The following ANO4 variants were observed in gnomAD, a reference collection of about 807,000 sequenced individuals.
The protein encoded by ANO4 is anoctamin 4, also known as anoctamin-4.
A neutral mutation model predicts 141.9 loss-of-function variants in ANO4; 69 were observed. The ratio of observed to expected loss-of-function variants is 0.49; its 90% CI spans 0.40 to 0.59. The LOEUF (loss-of-function observed/expected upper bound fraction) is 0.59, where lower values mean the gene tolerates loss of function less well. ANO4 is among the 20% of genes least tolerant of loss of function. The pLI, the probability that ANO4 is intolerant of heterozygous loss-of-function variation, is 0.00. For synonymous variants in ANO4, 350 were observed against 394.3 expected (o/e 0.89, Z 1.33); for missense variants, 894 against 1,162.2 (o/e 0.77, Z 3.36).
chr12:100,975,748 T>A (rs2136288326), intron 7 of ANO4, among the ~76,000 whole-genome samples: 1 of 152,130 alleles, frequency 6.6e-6, no homozygotes, highest in Admixed American at 6.5e-5. Flanking sequence ...CCAATGTTAT[T>A]TTTTTCTACA....
chr12:101,022,546 CAAACTT>C (rs2136504766), intron 9 of ANO4, among the ~76,000 whole-genome samples: 1 of 152,266 alleles, frequency 6.6e-6, no homozygotes, highest in African/African-American at 2.4e-5. Context: ...TTTTTAGAAA[CAAACTT>C]AGGATGTGCT....
At chr12:100,746,394 A>G (rs2032110047) in intron 3 of ANO4, among the ~76,000 whole-genome samples, 1 of 151,134 alleles carries the variant, frequency 6.6e-6, no homozygotes, top group Non-Finnish European at 1.5e-5. Context: ...CGGAGGCTGC[A>G]GTGAGCTGAG....
At chr12:100,811,235 C>G (rs1055037083) in intron 1 of ANO4, among the ~76,000 whole-genome samples, 1 of 152,096 alleles carries the variant, frequency 6.6e-6, no homozygotes, top group Non-Finnish European at 1.5e-5. Flanking sequence ...TAAATTACCT[C>G]ACATATCCAA....
intron 7 of ANO4, among the ~76,000 whole-genome samples, chr12:100,979,304 C>T (rs1229060382): frequency 1.3e-5 from 2 of 152,056 alleles, no homozygotes; most frequent in African/African-American, 2.4e-5. Context: ...GTGTCAGGAT[C>T]ATCTGGAGGG....
chr12:100,906,180 A>C (rs2040836177), intron 2 of ANO4, among the ~76,000 whole-genome samples: 1 of 152,178 alleles, frequency 6.6e-6, no homozygotes. Flanking sequence ...TTTGAACAGC[A>C]GTGTGGTTTT....
intron 2 of ANO4, chr12:100,739,819 T>C (rs1223388733): frequency 1.4e-6 from 1 of 698,778 alleles, no homozygotes; most frequent in Non-Finnish European, 2.6e-6. Context: ...ATGGCTTTGA[T>C]TGCTGCCACT....
chr12:100,900,690 C>T (rs894353591), intron 1 of ANO4, among the ~76,000 whole-genome samples: 4 of 152,158 alleles, frequency 2.6e-5, no homozygotes, highest in Non-Finnish European at 5.9e-5. Flanking sequence ...AACCATCATT[C>T]TCAGCAAACT....
At chr12:101,065,717 T>C (rs1055532116) in intron 14 of ANO4, among the ~76,000 whole-genome samples, 3 of 152,144 alleles carry the variant, frequency 2.0e-5, no homozygotes, top group African/African-American at 7.2e-5. Context: ...ACTTGAACTG[T>C]TCTAAAAAAT....
At chr12:100,969,481 T>A (rs1042584399) in intron 5 of ANO4, among the ~76,000 whole-genome samples, 2 of 152,234 alleles carry the variant, frequency 1.3e-5, no homozygotes, top group African/African-American at 2.4e-5. Flanking sequence ...AGTTTGATTT[T>A]CATAATATCT....
intron 8 of ANO4, among the ~76,000 whole-genome samples, chr12:100,996,457 G>A (rs1012230007): frequency 3.3e-5 from 5 of 152,346 alleles, no homozygotes; most frequent in African/African-American, 1.2e-4. Context: ...GACCGTAGCA[G>A]GTGGATCACC....
intron 8 of ANO4, among the ~76,000 whole-genome samples, chr12:100,989,284 G>A (rs1055180756): frequency 2.6e-5 from 4 of 152,090 alleles, no homozygotes; most frequent in Non-Finnish European, 4.4e-5. Context: ...CAGAGATCAG[G>A]GTGTTTTCTT....
At chr12:100,947,910 A>ATGG (rs1331966719) in intron 5 of ANO4, among the ~76,000 whole-genome samples, 4 of 152,118 alleles carry the variant, frequency 2.6e-5, no homozygotes, top group African/African-American at 7.2e-5. Context: ...GAGGCAGGGC[A>ATGG]TGGTGGCTCA....
At chr12:101,119,297 A>C (rs1395496614) in intron 25 of ANO4, among the ~76,000 whole-genome samples, 2 of 152,074 alleles carry the variant, frequency 1.3e-5, no homozygotes, top group Non-Finnish European at 2.9e-5. Flanking sequence ...GTCTCTACCA[A>C]AAATACAAAA....
At chr12:101,073,490 G>A (rs1026944287) in intron 14 of ANO4, among the ~76,000 whole-genome samples, 19 of 151,694 alleles carry the variant, frequency 1.3e-4, no homozygotes, top group African/African-American at 4.4e-4. Flanking sequence ...GTTAATGGGT[G>A]CAGCAAACCA....
chr12:100,748,347 T>C (rs193104547), intron 3 of ANO4, among the ~76,000 whole-genome samples: 103 of 152,110 alleles, frequency 6.8e-4, no homozygotes, highest in African/African-American at 2.4e-3. Flanking sequence ...AGATGCAGAG[T>C]AATTGGACCT....
At chr12:100,788,049 T>A (rs113128209) in intron 3 of ANO4, among the ~76,000 whole-genome samples, 1,937 of 152,316 alleles carry the variant, frequency 0.013, 29 homozygotes, top group African/African-American at 0.044. Flanking sequence ...TCATACTTTA[T>A]CCCTGATTGC....
intron 1 of ANO4, among the ~76,000 whole-genome samples, chr12:100,815,052 T>A (rs1231823626): frequency 6.6e-6 from 1 of 151,638 alleles, no homozygotes; most frequent in Admixed American, 6.6e-5. Context: ...CTGGAGGGAA[T>A]GGGGGAGAAA....
intron 1 of ANO4, among the ~76,000 whole-genome samples, chr12:100,843,891 T>G (rs1488665212): frequency 6.6e-6 from 1 of 152,180 alleles, no homozygotes; most frequent in Non-Finnish European, 1.5e-5. Flanking sequence ...TATTAGATAA[T>G]TCTCTTCCGA....
At chr12:100,770,564 A>G (rs1318945015) in intron 3 of ANO4, among the ~76,000 whole-genome samples, 1 of 152,216 alleles carries the variant, frequency 6.6e-6, no homozygotes, top group Non-Finnish European at 1.5e-5. Flanking sequence ...TAAAGAGAAT[A>G]GTTTCTGCCA....
Sources: allele counts gnomAD v4.1 joint callset (sites outside exome capture counted in the v4.1 genomes callset), GRCh38; gene constraint gnomAD v4.1.1; transcripts MANE v1.5; gene names NCBI Gene and HGNC (gene_info 2026-07-23, HGNC 2026-07-21).